ALK: variants seen among roughly 807,000 people sequenced by gnomAD.
The protein encoded by ALK is ALK tyrosine kinase receptor.
Under a neutral mutation model 163.1 loss-of-function variants are expected in ALK, and 74 were observed. That is an observed-to-expected ratio of 0.45 (90% CI 0.38 to 0.55). The LOEUF (loss-of-function observed/expected upper bound fraction) is 0.55, where lower values mean the gene tolerates loss of function less well. ALK is among the 20% of genes least tolerant of loss of function. The pLI, the probability that ALK is intolerant of heterozygous loss-of-function variation, is 0.00. For synonymous variants in ALK, 960 were observed against 843.2 expected (o/e 1.14, Z -2.40); for missense variants, 2,063 against 2,105.3 (o/e 0.98, Z 0.39).
chr2:29,416,325 G>A (rs1669876056), intron 4 of ALK, among the ~76,000 whole-genome samples: 1 of 152,136 alleles, frequency 6.6e-6, no homozygotes, highest in Non-Finnish European at 1.5e-5. Flanking sequence ...GGGCTTTGGG[G>A]AACAAGATTA....
chr2:29,652,462 T>C (rs926811822), intron 3 of ALK, among the ~76,000 whole-genome samples: 2 of 152,218 alleles, frequency 1.3e-5, no homozygotes, highest in African/African-American at 4.8e-5. Flanking sequence ...TGTTTCATTT[T>C]CGATCCCATT....
chr2:29,526,169 G>C (rs1381908997), intron 4 of ALK, among the ~76,000 whole-genome samples: 1 of 152,168 alleles, frequency 6.6e-6, no homozygotes, highest in Non-Finnish European at 1.5e-5. Flanking sequence ...CAGGGGGTTA[G>C]GCACTATCAG....
chr2:29,195,832 G>A (rs1044560600), intron 28 of ALK, among the ~76,000 whole-genome samples: 1 of 152,224 alleles, frequency 6.6e-6, no homozygotes, highest in Non-Finnish European at 1.5e-5. Flanking sequence ...GGGAAAGAAA[G>A]TGAATACAGG....
chr2:29,525,781 G>T (rs1361034048), intron 4 of ALK, among the ~76,000 whole-genome samples: 1 of 88,202 alleles, frequency 1.1e-5, no homozygotes, highest in Non-Finnish European at 2.0e-5. Context: ...ACAAGAGCAA[G>T]ACTCCATCTC....
At chr2:29,783,378 A>G (rs1258951566) in intron 1 of ALK, among the ~76,000 whole-genome samples, 1 of 143,158 alleles carries the variant, frequency 7.0e-6, no homozygotes, top group Non-Finnish European at 1.6e-5. Context: ...GACCAAGAAA[A>G]GAGAACACAT....
chr2:29,583,045 T>TTTTTTTTTTTTTTTTTTTTTTTG (rs994208295), intron 3 of ALK, among the ~76,000 whole-genome samples: 1 of 150,030 alleles, frequency 6.7e-6, no homozygotes, highest in East Asian at 2.0e-4. Context: ...GTTTTTTGTT[T>TTTTTTTTTTTTTTTTTTTTTTTG]TTTTGTTTTT....
chr2:29,755,593 C>T (rs905536663), intron 1 of ALK, among the ~76,000 whole-genome samples: 39 of 152,336 alleles, frequency 2.6e-4, no homozygotes, highest in African/African-American at 8.2e-4. Context: ...GAATGAGAGA[C>T]AGGCTCACCA....
At chr2:29,719,241 G>A (rs929620241) in intron 1 of ALK, among the ~76,000 whole-genome samples, 2 of 152,202 alleles carry the variant, frequency 1.3e-5, no homozygotes, top group African/African-American at 4.8e-5. Flanking sequence ...TGGCTCTTGG[G>A]TATCTAGGAA....
In ALK at chr2:29,876,586, GTGGTAA is replaced by G. The variant is rs1666719819; in HGVS notation, c.667+43401_667+43406del. Among the ~76,000 whole-genome samples, 3 of 145,764 alleles carry G rather than the reference GTGGTAA, an allele frequency of 2.1e-5. No homozygotes were observed. The South Asian group carries it at 6.8e-4, about 33-fold the overall frequency. On this transcript the variant is annotated intron_variant, in intron 1 of 28. Coordinates refer to ENST00000389048, the MANE Select transcript of ALK (RefSeq NM_004304.5). Reference sequence around the variant, plus strand: ...GATGATGCTGATGGTGGTGGTGATGGTGGTAATGGTAATGGTGATGGCAATAATGCT... The same window carrying G: ...GATGATGCTGATGGTGGTGGTGATGGTGGTAATGGTGATGGCAATAATGCT...
intron 4 of ALK, among the ~76,000 whole-genome samples, chr2:29,504,744 T>C (rs1000982271): frequency 6.6e-6 from 1 of 152,162 alleles, no homozygotes. Context: ...CTTGATCCCA[T>C]AGCAGATAGG....
chr2:29,410,682 C>A (rs2148321839), intron 4 of ALK, among the ~76,000 whole-genome samples: 1 of 152,270 alleles, frequency 6.6e-6, no homozygotes, highest in Middle Eastern at 3.4e-3. Context: ...CTAAACACAT[C>A]TAAACATAGA....
At chr2:29,299,194 T>C (rs938379229) in intron 8 of ALK, among the ~76,000 whole-genome samples, 10 of 152,298 alleles carry the variant, frequency 6.6e-5, no homozygotes, top group African/African-American at 2.4e-4. Context: ...CAGAGTCTCC[T>C]AAAGTGCCTC....
intron 2 of ALK, among the ~76,000 whole-genome samples, chr2:29,707,390 T>C (rs1272972784): frequency 2.0e-5 from 3 of 152,046 alleles, no homozygotes; most frequent in East Asian, 1.9e-4. Context: ...CCCAGTCCAG[T>C]TGGGGGATGA....
intron 1 of ALK, among the ~76,000 whole-genome samples, chr2:29,913,720 G>T (rs1667764692): frequency 6.6e-6 from 1 of 152,100 alleles, no homozygotes; most frequent in African/African-American, 2.4e-5. Context: ...TAGATTGAGG[G>T]ATCTTCCTGA....
intron 3 of ALK, among the ~76,000 whole-genome samples, chr2:29,545,664 A>C (rs1198115834): frequency 1.3e-5 from 2 of 152,110 alleles, no homozygotes; most frequent in Non-Finnish European, 2.9e-5. Context: ...CTCGATGTCA[A>C]ATATTTGGAA....
chr2:29,201,279 C>G (rs999098106), intron 26 of ALK, among the ~76,000 whole-genome samples: 2 of 152,290 alleles, frequency 1.3e-5, no homozygotes, highest in South Asian at 2.1e-4. Context: ...ATTAGCTTCA[C>G]TGGCCTATTT....
intron 3 of ALK, among the ~76,000 whole-genome samples, chr2:29,586,346 T>C (rs1312461491): frequency 6.6e-6 from 1 of 152,216 alleles, no homozygotes; most frequent in Non-Finnish European, 1.5e-5. Context: ...TTAAGTTTTT[T>C]AACTATAGGA....
rs1456336399 is a variant in ALK, at chr2:29,726,843, T to C, written c.668-9146A>G. 3.9e-5 allele frequency among the ~76,000 whole-genome samples: 6 copies of C among 152,192 alleles called. No homozygotes were observed. In the East Asian group the frequency reaches 1.2e-3, roughly 29 times the overall value. On this transcript the variant is annotated intron_variant, in intron 1 of 28. Coordinates refer to ENST00000389048, the MANE Select transcript of ALK (RefSeq NM_004304.5). ...TAACCTCTTTTACAGATGAAAAGAT[T>C]GAGGCTCGGAAAGCACAAATGCCCA...
intron 3 of ALK, among the ~76,000 whole-genome samples, chr2:29,564,444 C>CG: frequency 9.3e-6 from 1 of 107,864 alleles, no homozygotes; most frequent in African/African-American, 3.7e-5. Flanking sequence ...TACCACCACC[C>CG]CCACCGCCAC....
Sources: gnomAD v4.1 joint callset for allele counts (sites outside exome capture counted in the v4.1 genomes callset) on GRCh38, gnomAD v4.1.1 for gene constraint, MANE v1.5 for transcripts, NCBI Gene and HGNC (gene_info 2026-07-23, HGNC 2026-07-21) for gene names.